The following PATJ variants were observed in gnomAD, a reference collection of about 807,000 sequenced individuals.
The protein encoded by PATJ is inaD-like protein.
Under a neutral mutation model 224.9 loss-of-function variants are expected in PATJ, and 190 were observed. That is an observed-to-expected ratio of 0.84 (90% confidence interval 0.75 to 0.95). The LOEUF (loss-of-function observed/expected upper bound fraction) is 0.95, where lower values mean the gene tolerates loss of function less well. Among genes scored for constraint, PATJ ranks in the 40% least tolerant of loss-of-function variants. The probability of loss-of-function intolerance (pLI) is 0.00; values close to 1 mark genes in which losing one functional copy is unlikely to be tolerated. For missense variants in PATJ, 2,121 were observed against 2,270.3 expected (o/e 0.93, Z 1.34); for synonymous variants, 769 against 820.3 (o/e 0.94, Z 1.07).
At chr1:61,781,607 GGATTATAGTGTGTGA>G (rs1453733637) in intron 7 of PATJ, among the ~76,000 whole-genome samples, 1 of 152,146 alleles carries the variant, frequency 6.6e-6, no homozygotes, top group Non-Finnish European at 1.5e-5. Context: ...AAAGAGCATA[GGATTATAGTGTGTGA>G]GCTTTAGAAT....
At chr1:62,154,293 G>T (rs1255108950) in intron 43 of PATJ, among the ~76,000 whole-genome samples, 1 of 151,422 alleles carries the variant, frequency 6.6e-6, no homozygotes, top group Non-Finnish European at 1.5e-5. Context: ...TGATACTACA[G>T]TTTTTTTTTC....
intron 41 of PATJ, among the ~76,000 whole-genome samples, chr1:62,133,632 A>G (rs570205688): frequency 9.8e-5 from 15 of 152,294 alleles, no homozygotes; most frequent in Admixed American, 2.6e-4. Context: ...AAAAGCAGCT[A>G]AACAGATTTG....
At chr1:62,132,823 G>A (rs560330037) in intron 41 of PATJ, among the ~76,000 whole-genome samples, 148 of 152,058 alleles carry the variant, frequency 9.7e-4, no homozygotes, top group Middle Eastern at 3.4e-3. Context: ...AGGATTGCTT[G>A]AGCCCGGGGG....
chr1:62,009,038 A>G (rs1291182068), intron 28 of PATJ, among the ~76,000 whole-genome samples: 1 of 152,214 alleles, frequency 6.6e-6, no homozygotes, highest in African/African-American at 2.4e-5. Flanking sequence ...AAAGGCACTT[A>G]GTTTCTCTAC....
intron 28 of PATJ, among the ~76,000 whole-genome samples, chr1:61,996,333 G>T (rs983297503): frequency 1.3e-5 from 2 of 152,172 alleles, no homozygotes; most frequent in Non-Finnish European, 2.9e-5. Context: ...CCTACCAGGA[G>T]CCCTTACCAG....
intron 27 of PATJ, among the ~76,000 whole-genome samples, chr1:61,954,491 G>A (rs1274626275): frequency 2.6e-5 from 4 of 152,180 alleles, no homozygotes; most frequent in Admixed American, 1.3e-4. Flanking sequence ...ATAAGTATAG[G>A]TTAAACACTC....
intron 33 of PATJ, among the ~76,000 whole-genome samples, chr1:62,101,070 A>G (rs569467061): frequency 6.6e-6 from 1 of 152,286 alleles, no homozygotes; most frequent in East Asian, 1.9e-4. Context: ...ATCTCCACAA[A>G]AATACACAAA....
chr1:61,760,479 G>A (rs1645901731), intron 1 of PATJ, among the ~76,000 whole-genome samples: 1 of 152,122 alleles, frequency 6.6e-6, no homozygotes, highest in Non-Finnish European at 1.5e-5. Context: ...TTTGGTCATA[G>A]CAAAGGGTTT....
intron 7 of PATJ, among the ~76,000 whole-genome samples, chr1:61,781,103 A>G (rs1647245027): frequency 6.6e-6 from 1 of 152,226 alleles, no homozygotes; most frequent in African/African-American, 2.4e-5. Flanking sequence ...TACAGCAGCT[A>G]GGTGAGCCAC....
At chr1:62,157,854 AATAAT>A (rs1669405218) in intron 43 of PATJ, among the ~76,000 whole-genome samples, 1 of 52,944 alleles carries the variant, frequency 1.9e-5, no homozygotes. Flanking sequence ...AAAAAAAAAA[AATAAT>A]CCAAGCCAGC....
intron 21 of PATJ, among the ~76,000 whole-genome samples, chr1:61,882,385 A>G (rs1433561200): frequency 6.6e-6 from 1 of 152,234 alleles, no homozygotes; most frequent in East Asian, 1.9e-4. Flanking sequence ...GTGACAAAAA[A>G]CAATTAAGTG....
At chr1:61,947,784 T>C (rs1187772318) in intron 27 of PATJ, among the ~76,000 whole-genome samples, 1 of 152,196 alleles carries the variant, frequency 6.6e-6, no homozygotes, top group African/African-American at 2.4e-5. Context: ...AGAACAAAGC[T>C]GGAGTCATCT....
At chr1:61,749,461 G>A (rs1483058190) in intron 1 of PATJ, among the ~76,000 whole-genome samples, 1 of 152,108 alleles carries the variant, frequency 6.6e-6, no homozygotes, top group African/African-American at 2.4e-5. Flanking sequence ...TCAATAATTG[G>A]CTATTGAATC....
chr1:61,875,690 C>T (rs1667247271), intron 21 of PATJ, among the ~76,000 whole-genome samples: 1 of 152,074 alleles, frequency 6.6e-6, no homozygotes, highest in East Asian at 1.9e-4. Flanking sequence ...ATATTAAAAT[C>T]TCTGATGCTC....
chr1:61,947,388 C>A (rs566242610), intron 27 of PATJ, among the ~76,000 whole-genome samples: 14 of 152,218 alleles, frequency 9.2e-5, no homozygotes, highest in African/African-American at 2.9e-4. Context: ...TACAAAATCA[C>A]TGTGCAAAAA....
chr1:61,752,315 T>C lies in PATJ; in HGVS notation c.-36+9760T>C, dbSNP rs12738629. On this transcript the variant is annotated intron_variant, in intron 1 of 43. Coordinates refer to ENST00000642238, the MANE Select transcript of PATJ (RefSeq NM_001350145.3). ...ACTGACTCTTTTCATTTCTTTCTTT[T>C]TTTTTTTTTTTTTTTTAAGACGGAG... Among the ~76,000 whole-genome samples, 74 of 116,644 alleles carry C rather than the reference T, an allele frequency of 6.3e-4. 1 individual carries two copies. The highest frequency in any genetic ancestry group is 6.9e-4 in the Non-Finnish European group (34 of 49,616). 76.5% of individuals were successfully genotyped at this position (116,644 alleles called of 152,430 possible).
intron 27 of PATJ, 131 bp downstream of exon 27, chr1:61,927,960 A>C: frequency 1.5e-6 from 1 of 645,216 alleles, no homozygotes. Flanking sequence ...AAAAAATCAA[A>C]TCTATACCTT....
At chr1:61,915,961 C>A (rs906850039) in intron 26 of PATJ, among the ~76,000 whole-genome samples, 1 of 152,110 alleles carries the variant, frequency 6.6e-6, no homozygotes, top group South Asian at 2.1e-4. Context: ...TCCCAAAGTG[C>A]TTGGATTACA....
At chr1:62,158,142 G>T (rs779069781) in intron 43 of PATJ, among the ~76,000 whole-genome samples, 1 of 149,498 alleles carries the variant, frequency 6.7e-6, no homozygotes, top group Non-Finnish European at 1.5e-5. Context: ...TGACCAACTT[G>T]GGACAAATAG....
Sources: gnomAD v4.1 joint callset for allele counts (sites outside exome capture counted in the v4.1 genomes callset) on GRCh38, gnomAD v4.1.1 for gene constraint, MANE v1.5 for transcripts, NCBI Gene and HGNC (gene_info 2026-07-23, HGNC 2026-07-21) for gene names.